CEP131: variants seen among roughly 807,000 people sequenced by gnomAD.
The protein encoded by CEP131 is centrosomal protein 131, also known as centrosomal protein of 131 kDa.
Under a neutral mutation model 136.8 loss-of-function variants are expected in CEP131, and 99 were observed. The observed-to-expected ratio is 0.72, with a 90% CI of 0.62 to 0.86. The LOEUF (loss-of-function observed/expected upper bound fraction) is 0.86, where lower values mean the gene tolerates loss of function less well. CEP131 is among the 40% of genes least tolerant of loss of function. The pLI is 0.00. For synonymous variants in CEP131, 646 were observed against 612.7 expected (o/e 1.05, Z -0.80); for missense variants, 1,459 against 1,463.0 (o/e 1.00, Z 0.04).
intron 3 of CEP131, among the ~76,000 whole-genome samples, chr17:81,207,464 C>T (rs1292235949): frequency 2.6e-5 from 4 of 151,604 alleles, no homozygotes; most frequent in Non-Finnish European, 2.9e-5. Context: ...TCAGTCACAC[C>T]GATCACAGTT....
In CEP131 at chr17:81,195,958, T is replaced by A; in HGVS notation, c.1900-7A>T. On this transcript the variant is annotated splice_polypyrimidine_tract_variant and splice_region_variant and intron_variant, in intron 15 of 25. Transcript: ENST00000450824. ...CCTTCTTGTCCTCAATCAGCTGTGTTGGGGACCGGAGGTGAGGTGCTACAC... is the reference window on the plus strand; with the variant it reads ...CCTTCTTGTCCTCAATCAGCTGTGTAGGGGACCGGAGGTGAGGTGCTACAC... 6.2e-7 allele frequency: 1 copy of A among 1,606,850 alleles called. No individual in the cohort carries two copies.
In CEP131 at chr17:81,194,165, G is replaced by T. The variant is rs567010713; in HGVS notation, c.2120-38C>A. On this transcript the variant is annotated intron_variant, in intron 17 of 25. Coordinates refer to ENST00000450824, the MANE Select transcript of CEP131 (RefSeq NM_014984.4). ...CACCAGCTAGGGCCACGTCCAGCTA[G>T]GGTGGGCCCGGGAAGTCCAACCCTG... is the stretch of plus-strand genomic sequence containing the variant. The T allele has an allele frequency of 8.2e-6, 12 of 1,459,290 alleles. No homozygotes were observed. In the African/African-American group the frequency reaches 1.6e-4, roughly 19 times the overall value. 90.4% of individuals were successfully genotyped at this position (1,459,290 alleles called of 1,614,324 possible).
In CEP131 at chr17:81,203,692, G is replaced by A. The variant is rs971870003; in HGVS notation, c.516-85C>T. 1.3e-5 allele frequency: 15 copies of A among 1,112,612 alleles called. No individual in the cohort carries two copies. Among genetic ancestry groups the A allele is most frequent in the Non-Finnish European group, 1.6e-5 (12 of 771,672 alleles). 68.9% of individuals were successfully genotyped at this position (1,112,612 alleles called of 1,614,324 possible). On this transcript the variant is annotated intron_variant, in intron 5 of 25. Transcript: ENST00000450824. This position sits in a 1 kb window ranked among gnomAD's most constrained non-coding sequence, Gnocchi z 4.6. ...CAGAGCTACACTCGCAGCACGGGCT[G>A]GGAGGGAACAAAGGCCTTCAGTGCT... is the stretch of plus-strand genomic sequence containing the variant.
chr17:81,222,111 C>T (rs913627687), intron 1 of CEP131, among the ~76,000 whole-genome samples: 9 of 152,354 alleles, frequency 5.9e-5, no homozygotes, highest in African/African-American at 2.2e-4. Flanking sequence ...GAGCCCAGGA[C>T]TCTGCTCTCC....
intron 11 of CEP131, among the ~76,000 whole-genome samples, chr17:81,198,581 G>A (rs911178649): frequency 3.9e-5 from 6 of 152,218 alleles, no homozygotes; most frequent in African/African-American, 1.4e-4. Context: ...GGGAGCCTTG[G>A]CTGTCAGGTC....
chr17:81,193,622 G>GACAT (rs1426886769), intron 18 of CEP131, among the ~76,000 whole-genome samples: 2 of 152,214 alleles, frequency 1.3e-5, no homozygotes, highest in African/African-American at 4.8e-5. Context: ...CTGCTCTGGG[G>GACAT]CCAGTTGTGA....
chr17:81,205,225 C>T (rs11650279), intron 5 of CEP131, among the ~76,000 whole-genome samples: 3,492 of 152,036 alleles, frequency 0.023, 55 homozygotes, highest in Non-Finnish European at 0.036. Flanking sequence ...CACCACTGCA[C>T]TCTGGCTTGG....
chr17:81,201,690 C>T (rs1403768372), intron 7 of CEP131, among the ~76,000 whole-genome samples: 1 of 152,172 alleles, frequency 6.6e-6, no homozygotes, highest in Non-Finnish European at 1.5e-5. Context: ...TTCCACTGCC[C>T]CTGGAGGAGC....
chr17:81,189,932 G>A lies in CEP131; in HGVS notation c.3151C>T (p.Leu1051Phe), dbSNP rs1325174448. ...GGACTCACCTCATGTTGTGTCCGGA[G>A]GCTGCTCACGGCCTCCTCCTTCCTC... ...LARKEEAVSS[L>F]RTQHEAAVKR... Residue 1051 changes from leucine to phenylalanine, a missense_variant, in exon 25 of 26, where the codon CTC (leucine) becomes TTC (phenylalanine). Coordinates refer to ENST00000450824, the MANE Select transcript of CEP131 (RefSeq NM_014984.4). 2 of 1,612,130 alleles carry A rather than the reference G, an allele frequency of 1.2e-6. No homozygotes were observed. Among genetic ancestry groups the A allele is most frequent in the Non-Finnish European group, 1.7e-6 (2 of 1,179,118 alleles).
rs578205109 is a variant in CEP131, at chr17:81,206,803, C to T, written c.456G>A (p.Ala152=). ...CGGTGCATTCTTTCCTCCGCGGGCC[C>T]GCTGGTGAGTCAAGGGCACTGGAAC... The part of the protein sequence containing the change: ...ARSSSALDSP[A]GPRRKECTVA... Residue 152 remains alanine (A), a synonymous_variant, in exon 5 of 26, where the codon GCG becomes GCA. Coordinates refer to ENST00000450824, the MANE Select transcript of CEP131 (RefSeq NM_014984.4). The T allele has an allele frequency of 5.6e-6, 9 of 1,614,134 alleles. No homozygotes were observed. The highest frequency in any genetic ancestry group is 5.0e-5 in the Admixed American group (3 of 60,012).
chr17:81,207,424 G>A (rs1230677158), intron 3 of CEP131, among the ~76,000 whole-genome samples, 185 bp from the exon 4 acceptor site: 6 of 152,264 alleles, frequency 3.9e-5, no homozygotes, highest in African/African-American at 9.6e-5. Flanking sequence ...GGAGCTGGGC[G>A]TTCAGGGTGA....
intron 3 of CEP131, among the ~76,000 whole-genome samples, chr17:81,207,592 C>A (rs2062035853): frequency 6.6e-6 from 1 of 151,872 alleles, no homozygotes; most frequent in Non-Finnish European, 1.5e-5. Flanking sequence ...TCAAGAGATC[C>A]TCTCACCTTG....
rs2061795443 is a variant in CEP131, at chr17:81,197,727, C to T, written c.1632G>A (p.Leu544=). Residue 544 remains leucine (L), a synonymous_variant, in exon 13 of 26, where the codon CTG becomes CTA. Coordinates refer to ENST00000450824, the MANE Select transcript of CEP131 (RefSeq NM_014984.4). ...GAGGGGCCACCTCCTGCTGGGAGTC[C>T]AGCTGGTCCTGCCCAGACTTCTCCA... is the stretch of plus-strand genomic sequence containing the variant. The part of the protein sequence containing the change: ...DEMEKSGQDQ[L]DSQQEGWVPE... The T allele has an allele frequency of 6.2e-7, 1 of 1,611,330 alleles. No individual in the cohort carries two copies. The highest frequency in any genetic ancestry group is 8.5e-7 in the Non-Finnish European group (1 of 1,179,052).
chr17:81,191,734 G>C (rs942014408), intron 21 of CEP131, among the ~76,000 whole-genome samples: 1 of 152,182 alleles, frequency 6.6e-6, no homozygotes, highest in Admixed American at 6.5e-5. Context: ...AGTTTCATCT[G>C]TCCAGCCCTG....
At chr17:81,192,632 A>C in intron 19 of CEP131, 39 bp from the exon 20 acceptor site, 1 of 1,321,950 alleles carries the variant, frequency 7.6e-7, no homozygotes, top group Non-Finnish European at 1.0e-6. Flanking sequence ...GGGGTCATCG[A>C]GTAAGGAGTC....
At position 81,199,917 on chromosome 17, in the gene CEP131, C is replaced by T. The variant is rs998496222; in HGVS notation, c.907-82G>A. The T allele has an allele frequency of 5.1e-6, 7 of 1,378,844 alleles. No individual in the cohort carries two copies. The Admixed American group carries it at 6.7e-5, about 13-fold the overall frequency. The allele number at this position is 1,378,844 out of a possible 1,614,324, so 85.4% of individuals were successfully genotyped here. A position where few individuals can be genotyped will look rare whatever the true frequency, so the allele number is the denominator to read the frequency against. ...CAGACCAGAGGTTTCCCCACAACGC[C>T]CTGGAGTCCCCTAGAGTTCGTGGAA... On this transcript the variant is annotated intron_variant, in intron 8 of 25. Transcript: ENST00000450824.
Position 81,199,494 on chromosome 17 carries a change from C to T in CEP131, c.1079G>A (p.Gly360Glu). Residue 360 changes from glycine to glutamate, a missense_variant, in exon 10 of 26, where the codon GGG (glycine) becomes GAG (glutamate). Physicochemically the swap from Gly to Glu is moderately conservative, Grantham distance 98. Around this residue, in one of 3 missense-constraint regions of CEP131, gnomAD observed 246 missense variants for 318.9 expected, o/e 0.77. Transcript: ENST00000450824. ...RAQKASTAERGPPENPRETRV... is the reference protein window; with the variant it reads ...RAQKASTAEREPPENPRETRV... ...GGTCTCCCTGGGATTCTCAGGTGGC[C>T]CACGCTCGGCAGTGCTCGCCTTCTG... 6.2e-7 allele frequency: 1 copy of T among 1,608,986 alleles called. No homozygotes were observed. The highest frequency in any genetic ancestry group is 8.5e-7 in the Non-Finnish European group (1 of 1,178,318).
At chr17:81,191,480 G>T (rs537783378) in intron 21 of CEP131, 145 bp from the exon 22 acceptor site, 9 of 718,024 alleles carry the variant, frequency 1.3e-5, no homozygotes, top group East Asian at 2.5e-5. Context: ...CTGTCCAGGG[G>T]TGCGCTACGT....
intron 2 of CEP131, among the ~76,000 whole-genome samples, chr17:81,213,659 G>A (rs1166540291): frequency 6.6e-6 from 1 of 152,046 alleles, no homozygotes. Context: ...AGGAGGGGGA[G>A]CAAAACTCCC....
Sources: gnomAD v4.1 joint callset for allele counts (sites outside exome capture counted in the v4.1 genomes callset) on GRCh38, gnomAD v4.1.1 for gene constraint, gnomAD v4.1.1 regional missense constraint, Gnocchi (gnomAD v3.1) non-coding constraint, MANE v1.5 for transcripts, NCBI Gene and HGNC (gene_info 2026-07-23, HGNC 2026-07-21) for gene names.